Variants in PARD6B observed in about 807,000 individuals in gnomAD.
PARD6B encodes the protein partitioning defective 6 homolog beta.
In PARD6B, 4 loss-of-function variants were observed where a neutral mutation model predicts 10.5. The observed-to-expected ratio is 0.38, with a 90% CI of 0.19 to 0.87. The LOEUF (loss-of-function observed/expected upper bound fraction) is 0.87. Ranked by LOEUF, PARD6B falls within the 40% of genes least tolerant of loss-of-function variation. PARD6B has a pLI of 0.41. For synonymous variants in PARD6B, 169 were observed against 170.4 expected, an observed-to-expected ratio of 0.99 and a Z score of 0.07; for missense variants, 396 against 470.6, an observed-to-expected ratio of 0.84 and a Z score of 1.47.
Position 50,750,127 on chromosome 20 carries a change from A to G in PARD6B, c.758A>G (p.Asn253Ser). Residue 253 changes from asparagine to serine, a missense_variant, in exon 3 of 3, where the codon AAT becomes AGT. Physicochemically the swap from Asn to Ser is conservative, Grantham distance 46. This residue lies in a region of PARD6B where 188 missense variants were observed against 169.7 expected (regional missense o/e 1.11). Coordinates refer to ENST00000371610, the MANE Select transcript of PARD6B (RefSeq NM_032521.3). ...IITVRPANQRNNVVRNSRTSG... is the reference protein window; with the variant it reads ...IITVRPANQRSNVVRNSRTSG... The stretch of plus-strand genomic sequence containing the variant: ...ACAGTGAGACCGGCAAACCAGAGGA[A>G]TAATGTTGTGAGGAACAGTCGGACT... 6.2e-7 allele frequency: 1 copy of G among 1,614,214 alleles called. No homozygotes were observed. The highest frequency in any genetic ancestry group is 8.5e-7 in the Non-Finnish European group (1 of 1,180,044).
In PARD6B at chr20:50,751,440, C is replaced by T. The variant is rs1461728748; in HGVS notation, c.*952C>T. Reference sequence around the variant, plus strand: ...GCGCGATCTTGGCTCACTGCAAGCTCTACCTCCTGGGTTCACACCATTCTC... The same window carrying T: ...GCGCGATCTTGGCTCACTGCAAGCTTTACCTCCTGGGTTCACACCATTCTC... On this transcript the variant is annotated 3_prime_UTR_variant, in exon 3 of 3. Coordinates refer to ENST00000371610, the MANE Select transcript of PARD6B (RefSeq NM_032521.3). 1.3e-6 allele frequency: 1 copy of T among 768,030 alleles called. No individual in the cohort carries two copies. The highest frequency in any genetic ancestry group is 1.5e-4 in the East Asian group (1 of 6,830). The allele number at this position is 768,030 out of a possible 1,614,324, so 47.6% of individuals were successfully genotyped here.
chr20:50,745,411 CA>C (rs11484143), intron 2 of PARD6B, among the ~76,000 whole-genome samples: 9,108 of 117,172 alleles, frequency 0.078, 288 homozygotes, highest in Middle Eastern at 0.12. Context: ...AACTCCGTCT[CA>C]AAAAAAAAAA....
In PARD6B at chr20:50,753,394, T is replaced by G. The variant is rs554946775; in HGVS notation, c.*2906T>G. ...CTGAATCAATTATTTCAAGTGCACC[T>G]TATTAACAAAAGTATCAGTGGATCC... On this transcript the variant is annotated 3_prime_UTR_variant, in exon 3 of 3. Transcript: ENST00000371610. 2 of 984,616 alleles carry G rather than the reference T, an allele frequency of 2.0e-6. No individual in the cohort carries two copies. The highest frequency in any genetic ancestry group is 2.3e-4 in the East Asian group (2 of 8,810). 61.0% of individuals were successfully genotyped at this position (984,616 alleles called of 1,614,324 possible).
chr20:50,747,276 A>G (rs1005153219), intron 2 of PARD6B, among the ~76,000 whole-genome samples: 2 of 152,166 alleles, frequency 1.3e-5, no homozygotes, highest in African/African-American at 4.8e-5. Flanking sequence ...TTTATTGGTT[A>G]TAAAGTGAAG....
rs2087627432 is a variant in PARD6B at position 50,753,587 on chromosome 20, ATGAT to A, written c.*3100_*3103del. On this transcript the variant is annotated 3_prime_UTR_variant, in exon 3 of 3. Coordinates refer to ENST00000371610, the MANE Select transcript of PARD6B (RefSeq NM_032521.3). ...ATGCTATAACATGATTTTTACATGA[ATGAT>A]ACTTTGTTTATAACTATCAAATGTC... 1.2e-6 allele frequency: 1 copy of A among 834,828 alleles called. No individual in the cohort carries two copies. The highest frequency in any genetic ancestry group is 1.4e-6 in the Non-Finnish European group (1 of 692,580). 51.7% of individuals were successfully genotyped at this position (834,828 alleles called of 1,614,324 possible). A position where few individuals can be genotyped will look rare whatever the true frequency, so the allele number is the denominator to read the frequency against.
chr20:50,750,984 TTTAG>T lies in PARD6B; in HGVS notation c.*498_*501del, dbSNP rs2087604598. 3.2e-6 allele frequency: 2 copies of T among 618,944 alleles called. No homozygotes were observed. Among genetic ancestry groups the T allele is most frequent in the Non-Finnish European group, 3.9e-6 (2 of 514,404 alleles). 38.3% of individuals were successfully genotyped at this position (618,944 alleles called of 1,614,324 possible). On this transcript the variant is annotated 3_prime_UTR_variant, in exon 3 of 3. Coordinates refer to ENST00000371610, the MANE Select transcript of PARD6B (RefSeq NM_032521.3). The stretch of plus-strand genomic sequence containing the variant: ...TTTTTTTTTTTTTTTTTTTTTTTTT[TTTAG>T]TGACTGGGTCTCACTCTGTTGCCCA...
chr20:50,732,226 G>C (rs1268181813), intron 1 of PARD6B, among the ~76,000 whole-genome samples: 1 of 152,234 alleles, frequency 6.6e-6, no homozygotes, highest in Non-Finnish European at 1.5e-5. Flanking sequence ...TGAGTAAAGG[G>C]CCCTGGACCA....
chr20:50,742,167 C>A (rs566419653), intron 2 of PARD6B, among the ~76,000 whole-genome samples: 1 of 152,112 alleles, frequency 6.6e-6, no homozygotes, highest in African/African-American at 2.4e-5. Flanking sequence ...CCTCAGCTTC[C>A]AGAGTGGCTG....
At position 50,750,030 on chromosome 20, in the gene PARD6B, A is replaced by T; in HGVS notation, c.661A>T (p.Ile221Leu). 1 of 1,614,238 alleles carries T rather than the reference A, an allele frequency of 6.2e-7. No individual in the cohort carries two copies. The highest frequency in any genetic ancestry group is 8.5e-7 in the Non-Finnish European group (1 of 1,180,052). The change falls in exon 3 of 3, where the codon ATA (isoleucine) becomes TTA (leucine). Residue 221 changes from isoleucine (I) to leucine (L), a missense_variant. Coordinates refer to ENST00000371610, the MANE Select transcript of PARD6B (RefSeq NM_032521.3). Reference sequence around the variant, plus strand: ...TGATGAAGTTTTAGAAGTTAATGGCATAGAAGTTTCAGGGAAGAGCCTTGA... The same window carrying T: ...TGATGAAGTTTTAGAAGTTAATGGCTTAGAAGTTTCAGGGAAGAGCCTTGA... Reference protein sequence around the residue: ...VNDEVLEVNGIEVSGKSLDQV... With the variant: ...VNDEVLEVNGLEVSGKSLDQV...
chr20:50,751,417 G>C lies in PARD6B; in HGVS notation c.*929G>C. ...ATCGCCCAGGCTGGAGTGCAGTGGC[G>C]CGATCTTGGCTCACTGCAAGCTCTA... On this transcript the variant is annotated 3_prime_UTR_variant, in exon 3 of 3. Transcript: ENST00000371610. 1.3e-6 allele frequency: 1 copy of C among 799,756 alleles called. No homozygotes were observed. The highest frequency in any genetic ancestry group is 6.6e-4 in the Middle Eastern group (1 of 1,516). The allele number at this position is 799,756 out of a possible 1,614,324, so 49.5% of individuals were successfully genotyped here.
chr20:50,750,691 C>A lies in PARD6B; in HGVS notation c.*203C>A. ...ATCAGAGGTGAATTTAAGTCCAAAACAAAGGGGCCTTTGCTGATGAAGTTA... is the reference window on the plus strand; with the variant it reads ...ATCAGAGGTGAATTTAAGTCCAAAAAAAAGGGGCCTTTGCTGATGAAGTTA... On this transcript the variant is annotated 3_prime_UTR_variant, in exon 3 of 3. Coordinates refer to ENST00000371610, the MANE Select transcript of PARD6B (RefSeq NM_032521.3). The A allele has an allele frequency of 7.4e-7, 1 of 1,355,396 alleles. No individual in the cohort carries two copies. Among genetic ancestry groups the A allele is most frequent in the Non-Finnish European group, 9.5e-7 (1 of 1,057,852 alleles). The allele number at this position is 1,355,396 out of a possible 1,614,324, so 84.0% of individuals were successfully genotyped here. A position where few individuals can be genotyped will look rare whatever the true frequency, so the allele number is the denominator to read the frequency against.
intron 1 of PARD6B, among the ~76,000 whole-genome samples, chr20:50,732,110 G>GT (rs1470200417): frequency 6.6e-6 from 1 of 152,246 alleles, no homozygotes; most frequent in African/African-American, 2.4e-5. Flanking sequence ...TCTCATTCCC[G>GT]TGTTCACGGA....
Position 50,738,106 on chromosome 20 carries a change from TG to T in PARD6B, c.289+28del, listed in dbSNP as rs772372390. ...TAAGTATCACTGTTTAGAAAAATTGTGTTAGAAATAGAAATAGTGTATTTTC... is the reference window on the plus strand; with the variant it reads ...TAAGTATCACTGTTTAGAAAAATTGTTTAGAAATAGAAATAGTGTATTTTC... On this transcript the variant is annotated intron_variant, in intron 2 of 2. Coordinates refer to ENST00000371610, the MANE Select transcript of PARD6B (RefSeq NM_032521.3). 8 of 1,507,438 alleles carry T rather than the reference TG, an allele frequency of 5.3e-6. No homozygotes were observed. In the Admixed American group the frequency reaches 1.6e-4, roughly 31 times the overall value. 93.4% of individuals were successfully genotyped at this position (1,507,438 alleles called of 1,614,324 possible).
At chr20:50,738,201 G>A (rs186210001) in intron 2 of PARD6B, 122 bp downstream of exon 2, 15 of 612,048 alleles carry the variant, frequency 2.5e-5, no homozygotes, top group African/African-American at 3.8e-5. Context: ...ATCTTCTTAT[G>A]TTAACTAACA....
intron 1 of PARD6B, among the ~76,000 whole-genome samples, chr20:50,735,118 T>C (rs117577413): frequency 0.062 from 9,359 of 152,178 alleles, 334 homozygotes; most frequent in Non-Finnish European, 0.07. Context: ...CCACTGCACT[T>C]CAGAGCCTGG....
At chr20:50,738,508 A>G (rs2087512139) in intron 2 of PARD6B, among the ~76,000 whole-genome samples, 2 of 152,278 alleles carry the variant, frequency 1.3e-5, no homozygotes, top group Non-Finnish European at 2.9e-5. Flanking sequence ...GTTAATAAAT[A>G]CCAGAAACAA....
At chr20:50,744,210 G>A (rs539102411) in intron 2 of PARD6B, among the ~76,000 whole-genome samples, 4 of 150,316 alleles carry the variant, frequency 2.7e-5, no homozygotes, top group African/African-American at 7.3e-5. Flanking sequence ...CGCCTCCTGG[G>A]TTCAAGTGAG....
chr20:50,744,475 C>G (rs2087553782), intron 2 of PARD6B, among the ~76,000 whole-genome samples: 1 of 152,124 alleles, frequency 6.6e-6, no homozygotes. Context: ...CCGGAGTGAG[C>G]TTTGTAGAAA....
chr20:50,732,957 T>C (rs2087480249), intron 1 of PARD6B, among the ~76,000 whole-genome samples: 1 of 151,616 alleles, frequency 6.6e-6, no homozygotes, highest in Non-Finnish European at 1.5e-5. Flanking sequence ...CTAAGGAGTA[T>C]GTAAAATCAA....
Sources: gnomAD v4.1 joint callset for allele counts (sites outside exome capture counted in the v4.1 genomes callset) on GRCh38, gnomAD v4.1.1 for gene constraint, gnomAD v4.1.1 regional missense constraint, MANE v1.5 for transcripts, NCBI Gene and HGNC (gene_info 2026-07-23, HGNC 2026-07-21) for gene names.